PDE3A: variants seen among roughly 807,000 people sequenced by gnomAD.
PDE3A encodes phosphodiesterase 3A, also known as cGMP-inhibited 3',5'-cyclic phosphodiesterase 3A.
In PDE3A, 43 loss-of-function variants were observed where a neutral mutation model predicts 98.3. That is an observed-to-expected ratio of 0.44 (90% CI 0.34 to 0.56). The LOEUF (loss-of-function observed/expected upper bound fraction) is 0.56, where lower values mean the gene tolerates loss of function less well. Among genes scored for constraint, PDE3A ranks in the 20% least tolerant of loss-of-function variants. PDE3A has a pLI of 0.01. For synonymous variants in PDE3A, 663 were observed against 567.9 expected, an observed-to-expected ratio of 1.17 and a Z score of -2.38; for missense variants, 1,427 against 1,440.7, an observed-to-expected ratio of 0.99 and a Z score of 0.15.
At chr12:20,592,464 C>T (rs1252268806) in intron 2 of PDE3A, among the ~76,000 whole-genome samples, 2 of 152,080 alleles carry the variant, frequency 1.3e-5, no homozygotes, top group Non-Finnish European at 2.9e-5. Context: ...AAAATTTGTT[C>T]ACTCTATTTT....
chr12:20,509,141 C>A (rs1415743258), intron 1 of PDE3A, among the ~76,000 whole-genome samples: 2 of 152,094 alleles, frequency 1.3e-5, no homozygotes, highest in South Asian at 2.1e-4. Context: ...AACAAACAGG[C>A]CAAATATCTA....
intron 1 of PDE3A, among the ~76,000 whole-genome samples, chr12:20,526,792 T>C (rs1409230075): frequency 6.6e-6 from 1 of 152,024 alleles, no homozygotes; most frequent in Non-Finnish European, 1.5e-5. Context: ...ATAGTGTTTG[T>C]AATTGATGAT....
At chr12:20,675,113 T>C (rs942457644) in intron 15 of PDE3A, among the ~76,000 whole-genome samples, 5 of 152,030 alleles carry the variant, frequency 3.3e-5, no homozygotes, top group Non-Finnish European at 5.9e-5. Flanking sequence ...TTGTGTTGTT[T>C]CCATTTTCAT....
At chr12:20,655,404 CAGG>C (rs1945019775) in intron 15 of PDE3A, among the ~76,000 whole-genome samples, 1 of 152,148 alleles carries the variant, frequency 6.6e-6, no homozygotes, top group Non-Finnish European at 1.5e-5. Context: ...CAGGGAGCAG[CAGG>C]AGAACTGGGA....
intron 1 of PDE3A, among the ~76,000 whole-genome samples, chr12:20,525,447 T>C (rs994444717): frequency 2.1e-4 from 30 of 143,102 alleles, no homozygotes; most frequent in African/African-American, 7.5e-4. Flanking sequence ...TCTTTTAACA[T>C]GGAAACATTC....
At chr12:20,404,108 G>T (rs1467817579) in intron 1 of PDE3A, among the ~76,000 whole-genome samples, 3 of 152,080 alleles carry the variant, frequency 2.0e-5, no homozygotes, top group Non-Finnish European at 2.9e-5. Flanking sequence ...AAAAATGTAG[G>T]TTGGCTCTTA....
intron 1 of PDE3A, among the ~76,000 whole-genome samples, chr12:20,479,783 G>A (rs977889056): frequency 5.3e-5 from 8 of 152,140 alleles, no homozygotes; most frequent in Non-Finnish European, 1.2e-4. Context: ...CTCATTGCTC[G>A]AAATCTTCTA....
intron 1 of PDE3A, among the ~76,000 whole-genome samples, chr12:20,523,992 G>A (rs1946473783): frequency 6.6e-6 from 1 of 152,084 alleles, no homozygotes; most frequent in Non-Finnish European, 1.5e-5. Flanking sequence ...AAAATTTAAA[G>A]GGAGGAATGG....
chr12:20,404,670 A>G (rs1944197454), intron 1 of PDE3A, among the ~76,000 whole-genome samples: 1 of 152,144 alleles, frequency 6.6e-6, no homozygotes, highest in African/African-American at 2.4e-5. Flanking sequence ...CTCTAATGGA[A>G]ATAGCAGTTC....
At chr12:20,594,930 A>T (rs969825594) in intron 2 of PDE3A, among the ~76,000 whole-genome samples, 5 of 152,134 alleles carry the variant, frequency 3.3e-5, no homozygotes, top group African/African-American at 1.2e-4. Flanking sequence ...TCGATACATT[A>T]TAAAATTTTA....
intron 1 of PDE3A, among the ~76,000 whole-genome samples, chr12:20,382,451 CA>C (rs1257633763): frequency 3.3e-5 from 5 of 151,766 alleles, no homozygotes; most frequent in Non-Finnish European, 2.9e-5. Context: ...CTTTGAAGTT[CA>C]AAAAAACTTC....
chr12:20,575,663 G>A lies in PDE3A; in HGVS notation c.1011+18953G>A, dbSNP rs1422633363. 2.0e-5 allele frequency among the ~76,000 whole-genome samples: 3 copies of A among 151,976 alleles called. No individual in the cohort carries two copies. In the East Asian group the frequency reaches 5.8e-4, roughly 29 times the overall value. On this transcript the variant is annotated intron_variant, in intron 2 of 15. Transcript: ENST00000359062. ...GGATCATCTACAGACTTTCATCCAAGTGAAAAAGAGTTCTACTTCATTCTG... is the reference window on the plus strand; with the variant it reads ...GGATCATCTACAGACTTTCATCCAAATGAAAAAGAGTTCTACTTCATTCTG...
chr12:20,515,632 T>G (rs1946305569), intron 1 of PDE3A, among the ~76,000 whole-genome samples: 1 of 152,334 alleles, frequency 6.6e-6, no homozygotes, highest in South Asian at 2.1e-4. Context: ...GTATTCTAAC[T>G]AATGCAGAAA....
intron 2 of PDE3A, among the ~76,000 whole-genome samples, chr12:20,603,754 A>C (rs1052156928): frequency 9.2e-5 from 14 of 152,164 alleles, no homozygotes; most frequent in Non-Finnish European, 1.8e-4. Context: ...AATACTTATC[A>C]AACATATATT....
chr12:20,369,373 A>G lies in PDE3A; in HGVS notation c.89A>G (p.His30Arg), dbSNP rs1383876242. 1.9e-6 allele frequency: 3 copies of G among 1,549,690 alleles called. No homozygotes were observed. The highest frequency in any genetic ancestry group is 1.8e-4 in the Middle Eastern group (1 of 5,614). Reference protein sequence around the residue: ...SQAPTAGRDCHHRADPASPRD... With the variant: ...SQAPTAGRDCRHRADPASPRD... ...GCCCCCACGGCGGGCCGGGACTGCC[A>G]CCATCGTGCGGACCCCGCATCGCCG... The change falls in exon 1 of 16, where the codon CAC becomes CGC. Residue 30 changes from histidine to arginine, a missense_variant. By Grantham distance (29) the His-to-Arg change is conservative (BLOSUM62 0). This residue lies in a region of PDE3A where 1,012 missense variants were observed against 886.5 expected (regional missense o/e 1.14). Transcript: ENST00000359062.
intron 1 of PDE3A, among the ~76,000 whole-genome samples, chr12:20,386,144 T>TATATATAAATATATAA (rs1943785786): frequency 7.5e-5 from 2 of 26,514 alleles, no homozygotes; most frequent in African/African-American, 2.8e-4. Context: ...TATATATAAA[T>TATATATAAATATATAA]ATATATATAA....
chr12:20,382,031 T>A (rs1182591196), intron 1 of PDE3A, among the ~76,000 whole-genome samples: 1 of 151,934 alleles, frequency 6.6e-6, no homozygotes. Flanking sequence ...TTCACCTACA[T>A]ATAATTACAT....
At chr12:20,448,531 T>C (rs1945001062) in intron 1 of PDE3A, among the ~76,000 whole-genome samples, 1 of 152,198 alleles carries the variant, frequency 6.6e-6, no homozygotes, top group South Asian at 2.1e-4. Context: ...CTTTTCTGAA[T>C]AAAGTACTCC....
chr12:20,621,782 G>A (rs1944143250), intron 5 of PDE3A, among the ~76,000 whole-genome samples: 1 of 152,008 alleles, frequency 6.6e-6, no homozygotes, highest in Non-Finnish European at 1.5e-5. Context: ...ATGAATTCAA[G>A]AAAGTGTTTT....
Sources: allele counts gnomAD v4.1 joint callset (sites outside exome capture counted in the v4.1 genomes callset), GRCh38; gene constraint gnomAD v4.1.1; regional missense constraint gnomAD v4.1.1; transcripts MANE v1.5; gene names NCBI Gene and HGNC (gene_info 2026-07-23, HGNC 2026-07-21).